The following EEF2 variants were observed in gnomAD, a reference collection of about 807,000 sequenced individuals.
EEF2 encodes elongation factor 2.
EEF2 carries 21 observed loss-of-function variants against 85.3 expected under a neutral mutation model. The ratio of observed to expected loss-of-function variants is 0.25; its 90% CI spans 0.17 to 0.35. The LOEUF is 0.35. Ranked by LOEUF, EEF2 falls within the 10% of genes least tolerant of loss-of-function variation. The probability of loss-of-function intolerance (pLI) is 1.00; values close to 1 mark genes in which losing one functional copy is unlikely to be tolerated. For synonymous variants in EEF2, 723 were observed against 508.8 expected, an observed-to-expected ratio of 1.42 and a Z score of -5.67; for missense variants, 825 against 1,225.3, an observed-to-expected ratio of 0.67 and a Z score of 4.88.
Position 3,979,823 on chromosome 19 carries a change from G to T in EEF2, c.1590C>A (p.Ser530=). The T allele has an allele frequency of 6.2e-7, 1 of 1,613,010 alleles. No homozygotes were observed. The change falls in exon 10 of 15, where the codon TCC becomes TCA. Residue 530 remains serine (S), a synonymous_variant. Coordinates refer to ENST00000309311, the MANE Select transcript of EEF2 (RefSeq NM_001961.4). ...LVEGLKRLAK[S]DPMVQCIIEE... is the part of the protein sequence containing the mutation. ...CCGTGCCCACCTGCACCATGGGGTC[G>T]GACTTGGCCAGCCGCTTCAGCCCCT...
chr19:3,983,904 G>A (rs765170783), intron 2 of EEF2: 9 of 564,870 alleles, frequency 1.6e-5, no homozygotes, highest in African/African-American at 7.5e-5. Context: ...CAGGGAGGGA[G>A]AACCACGGAG....
chr19:3,976,442 A>T lies in EEF2; in HGVS notation c.*112T>A. The stretch of plus-strand genomic sequence containing the variant: ...ACGCAGCGGGCCCCAGAAACCTCTC[A>T]GGGGAGCGTCGCTGTGTCGGGACAG... On this transcript the variant is annotated 3_prime_UTR_variant, in exon 15 of 15. Transcript: ENST00000309311. The T allele has an allele frequency of 1.6e-6, 2 of 1,263,514 alleles. No individual in the cohort carries two copies. The highest frequency in any genetic ancestry group is 1.4e-5 in the South Asian group (1 of 71,206). 78.3% of individuals were successfully genotyped at this position (1,263,514 alleles called of 1,614,324 possible).
Position 3,978,167 on chromosome 19 carries a change from A to C in EEF2, c.1719T>G (p.Ser573=). 1 of 1,443,964 alleles carries C rather than the reference A, an allele frequency of 6.9e-7. No homozygotes were observed. Among genetic ancestry groups the C allele is most frequent in the Non-Finnish European group, 9.2e-7 (1 of 1,092,792 alleles). The allele number at this position is 1,443,964 out of a possible 1,614,324, so 89.4% of individuals were successfully genotyped here. Residue 573 remains serine (S), a synonymous_variant, in exon 12 of 15, where the codon TCT becomes TCG. Coordinates refer to ENST00000309311, the MANE Select transcript of EEF2 (RefSeq NM_001961.4). The part of the protein sequence containing the change: ...EDHACIPIKK[S]DPVVSYRETV... The stretch of plus-strand genomic sequence containing the variant: ...TCTCGCGGTACGAGACGACCGGGTC[A>C]GATTTCTGCAAAAAGAGGTTAAGTC...
rs532051930 is a variant in EEF2 at position 3,985,461 on chromosome 19, G to A, written c.-81C>T. 38 of 1,386,922 alleles carry A rather than the reference G, an allele frequency of 2.7e-5. No individual in the cohort carries two copies. The highest frequency in any genetic ancestry group is 5.6e-5 in the East Asian group (2 of 35,642). 85.9% of individuals were successfully genotyped at this position (1,386,922 alleles called of 1,614,324 possible). A position where few individuals can be genotyped will look rare whatever the true frequency, so the allele number is the denominator to read the frequency against. On this transcript the variant is annotated 5_prime_UTR_variant, in exon 1 of 15. Transcript: ENST00000309311. The stretch of plus-strand genomic sequence containing the variant: ...GAGGATGGCGGCGACGACGGCGGAA[G>A]AGAACGCTGACGTCAACACTCAGCT...
rs1599189954 is a variant in EEF2 at position 3,977,102 on chromosome 19, C to T, written c.2383+113G>A. On this transcript the variant is annotated intron_variant, in intron 14 of 14. Coordinates refer to ENST00000309311, the MANE Select transcript of EEF2 (RefSeq NM_001961.4). The surrounding 1 kb of genome is among the most constrained non-coding windows in gnomAD (Gnocchi z 5.4). ...CAGAAACTGGACCACCTGCTCCATCCATCACCTGCTCCCATCAGGACGCCT... is the reference window on the plus strand; with the variant it reads ...CAGAAACTGGACCACCTGCTCCATCTATCACCTGCTCCCATCAGGACGCCT... 6.9e-7 allele frequency: 1 copy of T among 1,449,718 alleles called. No homozygotes were observed. Among genetic ancestry groups the T allele is most frequent in the Non-Finnish European group, 9.3e-7 (1 of 1,077,766 alleles). The allele number at this position is 1,449,718 out of a possible 1,614,324, so 89.8% of individuals were successfully genotyped here.
At position 3,977,442 on chromosome 19, in the gene EEF2, G is replaced by T; in HGVS notation, c.2236C>A (p.Leu746Ile). The T allele has an allele frequency of 6.3e-7, 1 of 1,583,926 alleles. No homozygotes were observed. The highest frequency in any genetic ancestry group is 8.6e-7 in the Non-Finnish European group (1 of 1,165,578). The change falls in exon 13 of 15, where the codon CTT (leucine) becomes ATT (isoleucine). Residue 746 changes from leucine (L) to isoleucine (I), a missense_variant. Coordinates refer to ENST00000309311, the MANE Select transcript of EEF2 (RefSeq NM_001961.4). The surrounding 1 kb of genome is among the most constrained non-coding windows in gnomAD (Gnocchi z 5.4). The stretch of plus-strand genomic sequence containing the variant: ...GTAGACCTCACCTGGATCTCCACAA[G>T]GTAGATGGGCTCCATGAGGCGTGGC... ...AQPRLMEPIYLVEIQCPEQVV... is the reference protein window; with the variant it reads ...AQPRLMEPIYIVEIQCPEQVV...
rs2039732579 is a variant in EEF2 at position 3,980,544 on chromosome 19, T to C, written c.1316A>G (p.Lys439Arg). 1 of 1,613,948 alleles carries C rather than the reference T, an allele frequency of 6.2e-7. No homozygotes were observed. The highest frequency in any genetic ancestry group is 1.1e-5 in the South Asian group (1 of 91,090). Residue 439 changes from lysine to arginine, a missense_variant, in exon 9 of 15, where the codon AAG (lysine) becomes AGG (arginine). By Grantham distance (26) the Lys-to-Arg change is conservative. Transcript: ENST00000309311. ...GATTGGCTTCAGGTAGAGGTCCTCCTTCTTCCCAGGGGTATAGTTGGGCCC... is the reference window on the plus strand; with the variant it reads ...GATTGGCTTCAGGTAGAGGTCCTCCCTCTTCCCAGGGGTATAGTTGGGCCC... ...IMGPNYTPGK[K>R]EDLYLKPIQR... is the part of the protein sequence containing the mutation.
Position 3,977,071 on chromosome 19 carries a change from A to T in EEF2, c.2383+144T>A. 8.0e-7 allele frequency: 1 copy of T among 1,245,146 alleles called. No homozygotes were observed. The highest frequency in any genetic ancestry group is 1.1e-6 in the Non-Finnish European group (1 of 914,784). 77.1% of individuals were successfully genotyped at this position (1,245,146 alleles called of 1,614,324 possible). ...AATTCAGTGATTTAGGGGGTCCACA[A>T]GCTGTCAGAAACTGGACCACCTGCT... On this transcript the variant is annotated intron_variant, in intron 14 of 14. Transcript: ENST00000309311. This position sits in a 1 kb window ranked among gnomAD's most constrained non-coding sequence, Gnocchi z 5.4.
intron 1 of EEF2, chr19:3,984,885 G>A (rs753746834): frequency 2.4e-5 from 4 of 168,130 alleles, no homozygotes; most frequent in Admixed American, 6.3e-5. Flanking sequence ...GGGAGTCATA[G>A]GAAGGACAAG....
At chr19:3,984,058 C>G in intron 2 of EEF2, 78 bp downstream of exon 2, 1 of 1,516,684 alleles carries the variant, frequency 6.6e-7, no homozygotes, top group Non-Finnish European at 9.1e-7. Flanking sequence ...AGTCTCTCCC[C>G]GCGCACCCTG....
intron 10 of EEF2, 99 bp downstream of exon 10, chr19:3,979,709 C>T: frequency 6.6e-7 from 1 of 1,519,138 alleles, no homozygotes; most frequent in Non-Finnish European, 8.9e-7. Flanking sequence ...GACCAGTCAC[C>T]CCAATCCACC....
rs773575375 is a variant in EEF2, at chr19:3,981,435, C to T, written c.915G>A (p.Met305Ile). The T allele has an allele frequency of 6.2e-7, 1 of 1,614,130 alleles. No homozygotes were observed. Among genetic ancestry groups the T allele is most frequent in the Non-Finnish European group, 8.5e-7 (1 of 1,180,024 alleles). Residue 305 changes from methionine (M) to isoleucine (I), a missense_variant, in exon 7 of 15, where the codon ATG becomes ATA. Physicochemically the swap from Met to Ile is conservative, Grantham distance 10. Coordinates refer to ENST00000309311, the MANE Select transcript of EEF2 (RefSeq NM_001961.4). ...DPIFKVFDAI[M>I]NFKKEETAKL... ...TTGCTGTCTCCTCTTTCTTGAAATT[C>T]ATGATCGCATCAAACACCTACATTC...
chr19:3,980,495 A>C lies in EEF2; in HGVS notation c.1346+19T>G, dbSNP rs1377479861. 6.2e-7 allele frequency: 1 copy of C among 1,605,868 alleles called. No individual in the cohort carries two copies. Among genetic ancestry groups the C allele is most frequent in the Admixed American group, 1.7e-5 (1 of 59,038 alleles). The stretch of plus-strand genomic sequence containing the variant: ...CCCGCAACAGTGCCAAGGGGCCTGC[A>C]CATCACCCAGCTGCTCACCTCTGGA... On this transcript the variant is annotated intron_variant, in intron 9 of 14. Transcript: ENST00000309311.
intron 5 of EEF2, 85 bp from the exon 6 acceptor site, chr19:3,982,137 GC>G (rs1226032690): frequency 6.3e-7 from 1 of 1,595,358 alleles, no homozygotes; most frequent in Non-Finnish European, 8.6e-7. Flanking sequence ...ACATGCTTGG[GC>G]AAGACCTGGT....
At chr19:3,981,920 G>A (rs760804137) in intron 6 of EEF2, 27 bp downstream of exon 6, 35 of 1,604,132 alleles carry the variant, frequency 2.2e-5, no homozygotes, top group East Asian at 6.7e-5. Flanking sequence ...TCGCATCGGC[G>A]GGGTGCCTGG....
Position 3,982,085 on chromosome 19 carries a change from G to C in EEF2, c.792-33C>G, listed in dbSNP as rs2305110. 578 of 1,610,696 alleles carry C rather than the reference G, an allele frequency of 3.6e-4. 4 individuals are homozygous for C. The East Asian group carries it at 0.012, about 33-fold the overall frequency. On this transcript the variant is annotated intron_variant, in intron 5 of 14. Coordinates refer to ENST00000309311, the MANE Select transcript of EEF2 (RefSeq NM_001961.4). The stretch of plus-strand genomic sequence containing the variant: ...GGAGAGGCCAAGCCAAATCAAGTTA[G>C]GGTCTCCAGGGGATGACTTGGGGAG...
Position 3,979,376 on chromosome 19 carries a change from T to C in EEF2, c.1666A>G (p.Ile556Val), listed in dbSNP as rs1239066507. ...TCCTCCTCCAGGTCCTTCAGGCAGA[T>C]CTCCAGGTGCAGCTCGCCGGCGCCC... ...IAGAGELHLE[I>V]CLKDLEEDHA... The change falls in exon 11 of 15, where the codon ATC becomes GTC. Residue 556 changes from isoleucine to valine, a missense_variant. Physicochemically the swap from Ile to Val is conservative, Grantham distance 29 (BLOSUM62 3). Coordinates refer to ENST00000309311, the MANE Select transcript of EEF2 (RefSeq NM_001961.4). The C allele has an allele frequency of 2.5e-6, 4 of 1,613,876 alleles. No homozygotes were observed. Among genetic ancestry groups the C allele is most frequent in the East Asian group, 2.2e-5 (1 of 44,892 alleles).
At chr19:3,980,157 C>A in intron 9 of EEF2, 91 bp from the exon 10 acceptor site, 3 of 1,518,846 alleles carry the variant, frequency 2.0e-6, no homozygotes, top group Non-Finnish European at 2.6e-6. Flanking sequence ...GTTGGTGGCC[C>A]TCCTGCCAGG....
rs745877479 is a variant in EEF2 at position 3,977,290 on chromosome 19, C to T, written c.2308G>A (p.Val770Met). 6 of 1,608,504 alleles carry T rather than the reference C, an allele frequency of 3.7e-6. No individual in the cohort carries two copies. The highest frequency in any genetic ancestry group is 2.2e-5 in the East Asian group (1 of 44,620). Residue 770 changes from valine (V) to methionine (M), a missense_variant, in exon 14 of 15, where the codon GTG becomes ATG. Val to Met is a conservative substitution (Grantham distance 21, BLOSUM62 1). Coordinates refer to ENST00000309311, the MANE Select transcript of EEF2 (RefSeq NM_001961.4). This position sits in a 1 kb window ranked among gnomAD's most constrained non-coding sequence, Gnocchi z 5.4. ...YGVLNRKRGH[V>M]FEESQVAGTP... ...CCGGCCACCTGGGACTCCTCGAACA[C>T]GTGGCCCCGCTTCCTGTTCAAAACC...
Sources: gnomAD v4.1 joint callset for allele counts on GRCh38, gnomAD v4.1.1 for gene constraint, Gnocchi (gnomAD v3.1) non-coding constraint, MANE v1.5 for transcripts, NCBI Gene and HGNC (gene_info 2026-07-23, HGNC 2026-07-21) for gene names.